The following NDC1 variants were observed in gnomAD, a reference collection of about 807,000 sequenced individuals.
NDC1 encodes nucleoporin NDC1.
A neutral mutation model predicts 89.8 loss-of-function variants in NDC1; 24 were observed. The ratio of observed to expected loss-of-function variants is 0.27; its 90% confidence interval spans 0.19 to 0.38. The LOEUF (loss-of-function observed/expected upper bound fraction) is 0.38. Among genes scored for constraint, NDC1 ranks in the 10% least tolerant of loss-of-function variants. The pLI is 1.00. For missense variants in NDC1, 728 were observed against 797.6 expected, an observed-to-expected ratio of 0.91 and a Z score of 1.05; for synonymous variants, 296 against 284.8, an observed-to-expected ratio of 1.04 and a Z score of -0.39.
intron 6 of NDC1, among the ~76,000 whole-genome samples, chr1:53,811,884 G>A (rs1648319472): frequency 6.6e-6 from 1 of 152,140 alleles, no homozygotes; most frequent in African/African-American, 2.4e-5. Flanking sequence ...ACTGGAACAC[G>A]CACTGGTATC....
chr1:53,808,736 C>T (rs1042372534), intron 7 of NDC1, among the ~76,000 whole-genome samples: 8 of 152,180 alleles, frequency 5.3e-5, no homozygotes, highest in African/African-American at 1.9e-4. Context: ...TTCCATTTCA[C>T]CTAGTTTAAA....
chr1:53,829,277 G>A (rs1321425978), intron 3 of NDC1, among the ~76,000 whole-genome samples: 2 of 152,150 alleles, frequency 1.3e-5, no homozygotes, highest in Non-Finnish European at 2.9e-5. Context: ...AGGTTCCTAT[G>A]ACCTCTCCCT....
intron 8 of NDC1, among the ~76,000 whole-genome samples, chr1:53,807,136 A>G (rs1648135698): frequency 6.6e-6 from 1 of 150,660 alleles, no homozygotes; most frequent in Non-Finnish European, 1.5e-5. Context: ...AGTCCCAGCT[A>G]CTCGGGAAGC....
intron 13 of NDC1, among the ~76,000 whole-genome samples, chr1:53,793,654 T>C (rs1265465904): frequency 6.6e-6 from 1 of 152,108 alleles, no homozygotes; most frequent in Admixed American, 6.6e-5. Flanking sequence ...TGCAGTTTTA[T>C]GATCACAGCT....
rs546462151 is a variant in NDC1, at chr1:53,805,309, T to G, written c.984+1116A>C. 8.5e-5 allele frequency among the ~76,000 whole-genome samples: 13 copies of G among 152,260 alleles called. No homozygotes were observed. In the East Asian group the frequency reaches 2.5e-3, roughly 29 times the overall value. On this transcript the variant is annotated intron_variant, in intron 9 of 17. Coordinates refer to ENST00000371429, the MANE Select transcript of NDC1 (RefSeq NM_018087.5). The stretch of plus-strand genomic sequence containing the variant: ...GCCTCCAACTCTTAGGCTCAAGGAA[T>G]GCAATTGCCTCCACCTCTCAAGTAG...
chr1:53,778,995 T>A (rs1647183312), intron 16 of NDC1, among the ~76,000 whole-genome samples: 1 of 151,628 alleles, frequency 6.6e-6, no homozygotes, highest in Admixed American at 6.6e-5. Flanking sequence ...TACAAAAAAA[T>A]TATTGGGCAT....
intron 16 of NDC1, among the ~76,000 whole-genome samples, chr1:53,784,305 A>C (rs1647254002): frequency 6.6e-6 from 1 of 152,202 alleles, no homozygotes; most frequent in African/African-American, 2.4e-5. Context: ...CAGTCCAAAA[A>C]CTTTGAAAGC....
At chr1:53,807,321 G>T (rs1270335155) in intron 8 of NDC1, among the ~76,000 whole-genome samples, 1 of 147,604 alleles carries the variant, frequency 6.8e-6, no homozygotes, top group Non-Finnish European at 1.5e-5. Context: ...CTATGCCAAT[G>T]ACATGGAAAA....
chr1:53,774,884 C>G (rs1290734493), intron 16 of NDC1, among the ~76,000 whole-genome samples: 1 of 152,028 alleles, frequency 6.6e-6, no homozygotes, highest in African/African-American at 2.4e-5. Flanking sequence ...GCGCAACAAC[C>G]TGTCTCTAAA....
Position 53,772,453 on chromosome 1 carries a change from T to C in NDC1, c.1837A>G (p.Ser613Gly). 4 of 1,613,606 alleles carry C rather than the reference T, an allele frequency of 2.5e-6. No individual in the cohort carries two copies. Among genetic ancestry groups the C allele is most frequent in the Non-Finnish European group, 3.4e-6 (4 of 1,179,644 alleles). Residue 613 changes from serine (S) to glycine (G), a missense_variant, in exon 17 of 18, where the codon AGT becomes GGT. By Grantham distance (56) the Ser-to-Gly change is moderately conservative. Transcript: ENST00000371429. ...CTTCCTGAAATCCGGGGTGGTTTAC[T>C]GGAAGCATGAGGAAGCTTAAAGTAC... is the stretch of plus-strand genomic sequence containing the variant. Reference protein sequence around the residue: ...DKYFKLPHASSKPPRISGSLV... With the variant: ...DKYFKLPHASGKPPRISGSLV...
At chr1:53,782,643 A>C (rs1647222939) in intron 16 of NDC1, among the ~76,000 whole-genome samples, 1 of 152,218 alleles carries the variant, frequency 6.6e-6, no homozygotes, top group Non-Finnish European at 1.5e-5. Context: ...CATAGGCCTA[A>C]GGGAAAAATT....
intron 16 of NDC1, among the ~76,000 whole-genome samples, chr1:53,778,257 A>G (rs1015495087): frequency 3.6e-4 from 44 of 121,802 alleles, no homozygotes; most frequent in African/African-American, 1.6e-3. Flanking sequence ...GTGTGTGTGT[A>G]TATACACACA....
In NDC1 at chr1:53,767,439, A is replaced by G. The variant is rs559867360; in HGVS notation, c.*531T>C. On this transcript the variant is annotated 3_prime_UTR_variant, in exon 18 of 18. Transcript: ENST00000371429. ...AATTTGTCCCTGGAAACAAAAACCC[A>G]ACCTAACAGATTAACAAAATATGTC... 6.6e-6 allele frequency: 1 copy of G among 152,312 alleles called. No individual in the cohort carries two copies. The highest frequency in any genetic ancestry group is 2.4e-5 in the African/African-American group (1 of 41,564). 9.4% of individuals were successfully genotyped at this position (152,312 alleles called of 1,614,324 possible).
At chr1:53,823,009 T>C (rs1426155940) in intron 5 of NDC1, among the ~76,000 whole-genome samples, 1 of 152,122 alleles carries the variant, frequency 6.6e-6, no homozygotes, top group Non-Finnish European at 1.5e-5. Context: ...CTAGAGCTAA[T>C]GAAAGAAAGA....
intron 5 of NDC1, among the ~76,000 whole-genome samples, chr1:53,825,460 A>AAAAAAAAAAAAAAAAAAAAAAAAAAAAAG (rs1039370528): frequency 1.4e-4 from 20 of 142,168 alleles, no homozygotes; most frequent in Non-Finnish European, 2.3e-4. Flanking sequence ...CTCCAAAAAA[A>AAAAAAAAAAAAAAAAAAAAAAAAAAAAAG]AAGAAGCTAC....
chr1:53,771,533 G>T lies in NDC1; in HGVS notation c.1961+796C>A, dbSNP rs1647113000. On this transcript the variant is annotated intron_variant, in intron 17 of 17. Coordinates refer to ENST00000371429, the MANE Select transcript of NDC1 (RefSeq NM_018087.5). ...AAGTAGGGAAAGATGTTATACTTCTGTTGTCCAATACAGTAGCTACTAAAC... is the reference window on the plus strand; with the variant it reads ...AAGTAGGGAAAGATGTTATACTTCTTTTGTCCAATACAGTAGCTACTAAAC... Among the ~76,000 whole-genome samples the T allele has an allele frequency of 2.6e-5, 4 of 152,172 alleles. No individual in the cohort carries two copies. In the South Asian group the frequency reaches 8.3e-4, roughly 32 times the overall value.
intron 6 of NDC1, among the ~76,000 whole-genome samples, chr1:53,814,846 C>A (rs902056667): frequency 6.6e-6 from 1 of 152,090 alleles, no homozygotes; most frequent in African/African-American, 2.4e-5. Context: ...ACATAAACTG[C>A]CAAACCTAGA....
chr1:53,796,848 T>C (rs774988341), intron 12 of NDC1, 44 bp from the exon 13 acceptor site: 4 of 1,607,736 alleles, frequency 2.5e-6, no homozygotes, highest in South Asian at 1.1e-5. Context: ...TTAGGCTGTC[T>C]GATCCTCTGC....
chr1:53,823,785 G>T (rs918789300), intron 5 of NDC1, among the ~76,000 whole-genome samples: 1 of 152,150 alleles, frequency 6.6e-6, no homozygotes, highest in African/African-American at 2.4e-5. Flanking sequence ...AAGATATGAA[G>T]GATTTCTAGA....
Sources: allele counts gnomAD v4.1 joint callset (sites outside exome capture counted in the v4.1 genomes callset), GRCh38; gene constraint gnomAD v4.1.1; transcripts MANE v1.5; gene names NCBI Gene and HGNC (gene_info 2026-07-23, HGNC 2026-07-21).